The following PFKFB3 variants were observed in gnomAD, a reference collection of about 807,000 sequenced individuals.
PFKFB3 encodes 6-phosphofructo-2-kinase/fructose-2,6-bisphosphatase 3.
PFKFB3 carries 33 observed loss-of-function variants against 68.0 expected under a neutral mutation model. The observed-to-expected ratio is 0.49, with a 90% CI of 0.37 to 0.65. The LOEUF is 0.65. Among genes scored for constraint, PFKFB3 ranks in the 30% least tolerant of loss-of-function variants. The pLI is 0.00. For missense variants in PFKFB3, 586 were observed against 712.2 expected, an observed-to-expected ratio of 0.82 and a Z score of 2.02; for synonymous variants, 315 against 288.2, an observed-to-expected ratio of 1.09 and a Z score of -0.94.
At chr10:6,185,930 G>A (rs548415925) in intron 1 of PFKFB3, among the ~76,000 whole-genome samples, 15 of 152,166 alleles carry the variant, frequency 9.9e-5, no homozygotes, top group East Asian at 7.7e-4. Context: ...ATGAGCCACC[G>A]CGCCTGGCCC....
At chr10:6,187,198 T>TAA (rs770875957) in intron 1 of PFKFB3, among the ~76,000 whole-genome samples, 4 of 142,064 alleles carry the variant, frequency 2.8e-5, no homozygotes, top group Admixed American at 7.1e-5. Context: ...CTGTTTCTAC[T>TAA]AAAAAAAAAA....
At chr10:6,176,744 T>C (rs779867775) in intron 1 of PFKFB3, among the ~76,000 whole-genome samples, 4 of 152,198 alleles carry the variant, frequency 2.6e-5, no homozygotes, top group Non-Finnish European at 5.9e-5. Context: ...CCAGGAGACA[T>C]GGGCCCTCCC....
intron 1 of PFKFB3, among the ~76,000 whole-genome samples, chr10:6,205,374 G>A (rs1173615604): frequency 7.4e-6 from 1 of 134,694 alleles, no homozygotes; most frequent in Non-Finnish European, 1.6e-5. Context: ...CATTGGGTGG[G>A]TTTTTCTTTC....
At chr10:6,192,366 C>CCTTTTTTTTTTTTTTTTTTTTTTTTT (rs1564609433) in intron 1 of PFKFB3, among the ~76,000 whole-genome samples, 1 of 113,070 alleles carries the variant, frequency 8.8e-6, no homozygotes, top group Non-Finnish European at 1.8e-5. Flanking sequence ...TTTCTTTCTT[C>CCTTTTTTTTTTTTTTTTTTTTTTTTT]TTTTTTTTTT....
chr10:6,191,897 G>A (rs1843032679), intron 1 of PFKFB3, among the ~76,000 whole-genome samples: 1 of 152,078 alleles, frequency 6.6e-6, no homozygotes. Context: ...TAGGGATGGT[G>A]TCCAGGTGGC....
chr10:6,232,778 T>C (rs1441474372), intron 14 of PFKFB3, 117 bp from the exon 15 acceptor site: 1 of 812,158 alleles, frequency 1.2e-6, no homozygotes, highest in African/African-American at 1.7e-5. Flanking sequence ...TCATGTTCTT[T>C]GTCTGGGATG....
chr10:6,160,403 GT>G (rs1841935762), intron 1 of PFKFB3, among the ~76,000 whole-genome samples: 1 of 152,190 alleles, frequency 6.6e-6, no homozygotes, highest in Non-Finnish European at 1.5e-5. Context: ...AGAATGAAGA[GT>G]TCCCTTTTGA....
chr10:6,193,828 C>A (rs1239192581), intron 1 of PFKFB3, among the ~76,000 whole-genome samples: 1 of 152,028 alleles, frequency 6.6e-6, no homozygotes, highest in Non-Finnish European at 1.5e-5. Context: ...TTGTAAAGAA[C>A]CTTCTTAAGG....
the PFKFB3 span, among the ~76,000 whole-genome samples, chr10:6,320,954 G>A: frequency 5.9e-5 from 9 of 152,274 alleles, no homozygotes; most frequent in South Asian, 4.1e-4. Context: ...AATGGTGAGC[G>A]TTGGGTTCTG....
the PFKFB3 span, among the ~76,000 whole-genome samples, chr10:6,317,049 A>C: frequency 0.049 from 7,499 of 152,254 alleles, 632 homozygotes; most frequent in African/African-American, 0.17. Context: ...CCAGAAAAAA[A>C]CAACCATACA....
In PFKFB3 at chr10:6,228,839, G is replaced by A. The variant is rs910083335; in HGVS notation, c.1515+2474G>A. 6.6e-6 allele frequency among the ~76,000 whole-genome samples: 1 copy of A among 152,182 alleles called. No homozygotes were observed. The highest frequency in any genetic ancestry group is 1.5e-5 in the Non-Finnish European group (1 of 68,034). On this transcript the variant is annotated intron_variant, in intron 14 of 14. Transcript: ENST00000379775. This position sits in a 1 kb window ranked among gnomAD's most constrained non-coding sequence, Gnocchi z 4.5. Reference sequence around the variant, plus strand: ...GTCATAGTCACGCCCGGGGCTGGGTGCAGCCTCCATCTCTAACCCATGTGG... The same window carrying A: ...GTCATAGTCACGCCCGGGGCTGGGTACAGCCTCCATCTCTAACCCATGTGG...
chr10:6,270,089 G>T, the PFKFB3 span, among the ~76,000 whole-genome samples: 1 of 152,094 alleles, frequency 6.6e-6, no homozygotes, highest in Non-Finnish European at 1.5e-5. Flanking sequence ...CCGAGATCGC[G>T]CCATTGTACT....
downstream of PFKFB3, among the ~76,000 whole-genome samples, chr10:6,255,006 AGG>A (rs1361676587): frequency 6.6e-6 from 1 of 150,824 alleles, no homozygotes; most frequent in Non-Finnish European, 1.5e-5. Flanking sequence ...TAGTAGAGAC[AGG>A]GTTTTACCAC....
chr10:6,318,428 C>G, the PFKFB3 span, among the ~76,000 whole-genome samples: 1 of 152,194 alleles, frequency 6.6e-6, no homozygotes, highest in Non-Finnish European at 1.5e-5. Context: ...CTCGGAAACT[C>G]AGATATGGAT....
At chr10:6,162,410 T>C (rs1156585534) in intron 1 of PFKFB3, among the ~76,000 whole-genome samples, 1 of 152,206 alleles carries the variant, frequency 6.6e-6, no homozygotes, top group Non-Finnish European at 1.5e-5. Flanking sequence ...CAAGGAATAA[T>C]CTTTTATTTC....
the PFKFB3 span, among the ~76,000 whole-genome samples, chr10:6,267,466 C>G: frequency 1.3e-5 from 2 of 152,138 alleles, no homozygotes; most frequent in African/African-American, 4.8e-5. Flanking sequence ...GTTAGAGTTT[C>G]TTAGAACGTC....
chr10:6,172,018 T>G (rs1842328838), intron 1 of PFKFB3, among the ~76,000 whole-genome samples: 1 of 152,214 alleles, frequency 6.6e-6, no homozygotes, highest in Admixed American at 6.5e-5. Flanking sequence ...TTTGCCGCCG[T>G]ACTCCATTGA....
intron 1 of PFKFB3, among the ~76,000 whole-genome samples, chr10:6,160,364 C>T (rs886911000): frequency 6.6e-6 from 1 of 152,180 alleles, no homozygotes; most frequent in Non-Finnish European, 1.5e-5. Context: ...TGCTCCCACC[C>T]TCTCTACCTG....
chr10:6,224,278 GC>G, intron 13 of PFKFB3, 65 bp downstream of exon 13: 1 of 1,521,646 alleles, frequency 6.6e-7, no homozygotes, highest in Non-Finnish European at 9.1e-7. Flanking sequence ...GGTGATGGGC[GC>G]TCAGGAGGCC....
Sources: gnomAD v4.1 joint callset for allele counts (sites outside exome capture counted in the v4.1 genomes callset) on GRCh38, gnomAD v4.1.1 for gene constraint, Gnocchi (gnomAD v3.1) non-coding constraint, MANE v1.5 for transcripts, NCBI Gene and HGNC (gene_info 2026-07-23, HGNC 2026-07-21) for gene names.